The following KCNN3 variants were observed in gnomAD, a reference collection of about 807,000 sequenced individuals.
KCNN3 encodes the protein potassium calcium-activated channel subfamily N member 3.
A neutral mutation model predicts 62.9 loss-of-function variants in KCNN3; 16 were observed. That is an observed-to-expected ratio of 0.25 (90% confidence interval 0.17 to 0.39). The LOEUF (loss-of-function observed/expected upper bound fraction) is 0.39, where lower values mean the gene tolerates loss of function less well. Ranked by LOEUF, KCNN3 falls within the 10% of genes least tolerant of loss-of-function variation. The pLI, the probability that KCNN3 is intolerant of heterozygous loss-of-function variation, is 1.00. For missense variants in KCNN3, 599 were observed against 949.4 expected, an observed-to-expected ratio of 0.63 and a Z score of 4.85; for synonymous variants, 370 against 389.2, an observed-to-expected ratio of 0.95 and a Z score of 0.58.
At chr1:154,754,735 G>A (rs1571241219) in intron 3 of KCNN3, among the ~76,000 whole-genome samples, 2 of 152,342 alleles carry the variant, frequency 1.3e-5, no homozygotes, top group Middle Eastern at 6.8e-3. Flanking sequence ...CCATAGAGCA[G>A]CATACCTGCT....
chr1:154,813,218 T>C (rs1205349882), intron 2 of KCNN3, among the ~76,000 whole-genome samples: 10 of 102,724 alleles, frequency 9.7e-5, no homozygotes, highest in African/African-American at 7.8e-4. Context: ...CTTTTTTTTT[T>C]TTTTTTTTTT....
intron 3 of KCNN3, among the ~76,000 whole-genome samples, chr1:154,764,430 C>T (rs746654945): frequency 2.6e-5 from 4 of 152,154 alleles, no homozygotes; most frequent in Non-Finnish European, 4.4e-5. Flanking sequence ...TCCTCATATA[C>T]AGAATGCAGA....
At chr1:154,730,083 T>C (rs1452177177) in intron 4 of KCNN3, among the ~76,000 whole-genome samples, 1 of 152,240 alleles carries the variant, frequency 6.6e-6, no homozygotes, top group African/African-American at 2.4e-5. Flanking sequence ...GCACATCTTT[T>C]AGGTTGCACT....
chr1:154,818,073 A>T lies in KCNN3; in HGVS notation c.1029+4016T>A, dbSNP rs544420697. 1.2e-4 allele frequency among the ~76,000 whole-genome samples: 18 copies of T among 152,348 alleles called. 1 individual carries two copies. The South Asian group carries it at 3.7e-3, about 32-fold the overall frequency. On this transcript the variant is annotated intron_variant, in intron 2 of 7. Transcript: ENST00000271915. ...CCAAGGGAGAGCATGGTTTTCAGTC[A>T]GAGTTTTGGTAAATAAACAAAATGC...
chr1:154,782,438 A>G (rs1434856407), intron 2 of KCNN3, among the ~76,000 whole-genome samples: 1 of 152,226 alleles, frequency 6.6e-6, no homozygotes, highest in African/African-American at 2.4e-5. Context: ...GGTGGCTGCC[A>G]TCTCACTGTG....
In KCNN3 at chr1:154,708,286, G is replaced by A; in HGVS notation, c.1900-14C>T. ...GACATTCTGCATCTGTGTGGAGAGAGAGAGGCGAGAGACAGGGAGATGACA... is the reference window on the plus strand; with the variant it reads ...GACATTCTGCATCTGTGTGGAGAGAAAGAGGCGAGAGACAGGGAGATGACA... On this transcript the variant is annotated splice_polypyrimidine_tract_variant and intron_variant, in intron 7 of 7. Coordinates refer to ENST00000271915, the MANE Select transcript of KCNN3 (RefSeq NM_002249.6). The A allele has an allele frequency of 6.2e-7, 1 of 1,612,582 alleles. No individual in the cohort carries two copies. Among genetic ancestry groups the A allele is most frequent in the Non-Finnish European group, 8.5e-7 (1 of 1,179,488 alleles).
intron 3 of KCNN3, among the ~76,000 whole-genome samples, chr1:154,736,569 C>A (rs987755974): frequency 1.3e-5 from 2 of 152,200 alleles, no homozygotes; most frequent in African/African-American, 4.8e-5. Context: ...CAGGGAGAAG[C>A]AATGGAGAGC....
intron 6 of KCNN3, among the ~76,000 whole-genome samples, chr1:154,713,824 C>G (rs1700126124): frequency 1.3e-5 from 2 of 151,064 alleles, no homozygotes. Flanking sequence ...GCCTTATTCT[C>G]AACTTTTCAG....
Position 154,870,116 on chromosome 1 carries a change from C to T in KCNN3, c.-152G>A, listed in dbSNP as rs1295435619. On this transcript the variant is annotated 5_prime_UTR_variant, in exon 1 of 8. Transcript: ENST00000271915. Reference sequence around the variant, plus strand: ...TTTGGCTTGCTTCGGTTCTCTGGGGCTGCCTGGAGTCCAGACGCTGCCACT... The same window carrying T: ...TTTGGCTTGCTTCGGTTCTCTGGGGTTGCCTGGAGTCCAGACGCTGCCACT... The T allele has an allele frequency of 4.5e-6, 4 of 888,686 alleles. No individual in the cohort carries two copies. The Admixed American group carries it at 8.0e-5, about 18-fold the overall frequency. 55.1% of individuals were successfully genotyped at this position (888,686 alleles called of 1,614,324 possible).
At chr1:154,775,528 T>C (rs1648750190) in intron 2 of KCNN3, among the ~76,000 whole-genome samples, 1 of 152,186 alleles carries the variant, frequency 6.6e-6, no homozygotes, top group African/African-American at 2.4e-5. Flanking sequence ...CATTCATTCA[T>C]TCAACAAAAA....
intron 2 of KCNN3, among the ~76,000 whole-genome samples, chr1:154,787,328 ACCAGGG>A (rs749891862): frequency 3.6e-4 from 55 of 152,050 alleles, no homozygotes; most frequent in African/African-American, 8.5e-4. Context: ...GGAGGGAGGG[ACCAGGG>A]CCAGGGCCAG....
At position 154,869,794 on chromosome 1, in the gene KCNN3, G is replaced by C. The variant is rs767851503; in HGVS notation, c.171C>G (p.Pro57=). 2.0e-6 allele frequency: 3 copies of C among 1,471,188 alleles called. No homozygotes were observed. Among genetic ancestry groups the C allele is most frequent in the Non-Finnish European group, 2.7e-6 (3 of 1,100,020 alleles). 91.1% of individuals were successfully genotyped at this position (1,471,188 alleles called of 1,614,324 possible). A position where few individuals can be genotyped will look rare whatever the true frequency, so the allele number is the denominator to read the frequency against. Residue 57 remains proline, a synonymous_variant, in exon 1 of 8, where the codon CCC becomes CCG. Coordinates refer to ENST00000271915, the MANE Select transcript of KCNN3 (RefSeq NM_002249.6). This position sits in a 1 kb window ranked among gnomAD's most constrained non-coding sequence, Gnocchi z 6.1. ...GCTGCGGAGGCTGAGGCTGCAGCGA[G>C]GGTCCCAGGGGCTGCTGGGGGGCTG... ...PPAAPQQPLG[P]SLQPQPPQLQ...
chr1:154,713,573 A>G (rs1192718113), intron 6 of KCNN3, 40 bp from the exon 7 acceptor site: 2 of 1,558,972 alleles, frequency 1.3e-6, no homozygotes, highest in South Asian at 1.1e-5. Flanking sequence ...CTTCAAGTCC[A>G]TGCAAAGGTT....
At chr1:154,767,010 C>T (rs1411213029) in intron 3 of KCNN3, among the ~76,000 whole-genome samples, 1 of 151,922 alleles carries the variant, frequency 6.6e-6, no homozygotes, top group African/African-American at 2.4e-5. Context: ...AGTGGAAGTA[C>T]CCCTTCTTGG....
At chr1:154,847,241 AG>A in intron 1 of KCNN3, among the ~76,000 whole-genome samples, 1 of 149,610 alleles carries the variant, frequency 6.7e-6, no homozygotes, top group Non-Finnish European at 1.5e-5. Flanking sequence ...ACATCTCTCC[AG>A]GCCACACCGA....
Position 154,870,093 on chromosome 1 carries a change from T to A in KCNN3, c.-129A>T. ...AGTATCTTGGCTCCAGTCCTCTCTT[T>A]GGCTTGCTTCGGTTCTCTGGGGCTG... On this transcript the variant is annotated 5_prime_UTR_variant, in exon 1 of 8. Coordinates refer to ENST00000271915, the MANE Select transcript of KCNN3 (RefSeq NM_002249.6). 1 of 1,152,680 alleles carries A rather than the reference T, an allele frequency of 8.7e-7. No homozygotes were observed. Among genetic ancestry groups the A allele is most frequent in the Non-Finnish European group, 1.3e-6 (1 of 784,376 alleles). 71.4% of individuals were successfully genotyped at this position (1,152,680 alleles called of 1,614,324 possible). A position where few individuals can be genotyped will look rare whatever the true frequency, so the allele number is the denominator to read the frequency against.
At chr1:154,758,116 TA>T (rs1345034936) in intron 3 of KCNN3, among the ~76,000 whole-genome samples, 1 of 152,126 alleles carries the variant, frequency 6.6e-6, no homozygotes, top group Non-Finnish European at 1.5e-5. Context: ...TTTTAACCAA[TA>T]TTAACCAATA....
chr1:154,738,317 A>G (rs1700755635), intron 3 of KCNN3, among the ~76,000 whole-genome samples: 1 of 152,264 alleles, frequency 6.6e-6, no homozygotes, highest in Non-Finnish European at 1.5e-5. Context: ...CTAGAAGGCC[A>G]TGGAATAAAG....
intron 2 of KCNN3, among the ~76,000 whole-genome samples, chr1:154,776,456 C>T (rs1332374840): frequency 6.6e-6 from 1 of 152,146 alleles, no homozygotes; most frequent in East Asian, 1.9e-4. Flanking sequence ...GGAGAGTTTT[C>T]AGGCTGCAGG....
Sources: gnomAD v4.1 joint callset for allele counts (sites outside exome capture counted in the v4.1 genomes callset) on GRCh38, gnomAD v4.1.1 for gene constraint, Gnocchi (gnomAD v3.1) non-coding constraint, MANE v1.5 for transcripts, NCBI Gene and HGNC (gene_info 2026-07-23, HGNC 2026-07-21) for gene names.